Variants in CACNB4 observed in about 807,000 individuals in gnomAD.
The protein encoded by CACNB4 is calcium voltage-gated channel auxiliary subunit beta 4.
A neutral mutation model predicts 71.2 loss-of-function variants in CACNB4; 32 were observed. That is an observed-to-expected ratio of 0.45 (90% CI 0.34 to 0.60). The LOEUF (loss-of-function observed/expected upper bound fraction) is 0.60. Ranked by LOEUF, CACNB4 falls within the 20% of genes least tolerant of loss-of-function variation. The probability of loss-of-function intolerance (pLI) is 0.01; values close to 1 mark genes in which losing one functional copy is unlikely to be tolerated. For synonymous variants in CACNB4, 231 were observed against 236.9 expected (o/e 0.97, Z 0.23); for missense variants, 464 against 647.9 (o/e 0.72, Z 3.08).
intron 2 of CACNB4, among the ~76,000 whole-genome samples, chr2:151,898,115 C>A (rs989819474): frequency 6.6e-6 from 1 of 152,162 alleles, no homozygotes; most frequent in African/African-American, 2.4e-5. Context: ...CTTCTGCCTG[C>A]AAGAAGTGTG....
intron 4 of CACNB4, among the ~76,000 whole-genome samples, chr2:151,877,911 T>G (rs563582139): frequency 9.8e-5 from 15 of 152,286 alleles, no homozygotes; most frequent in Admixed American, 2.0e-4. Context: ...AATTATACAT[T>G]TGCTGAATTA....
intron 3 of CACNB4, among the ~76,000 whole-genome samples, chr2:151,882,426 C>G (rs1578620751): frequency 6.6e-6 from 1 of 152,042 alleles, no homozygotes; most frequent in African/African-American, 2.4e-5. Flanking sequence ...TCTGTTTTTT[C>G]TTCTTCTAAA....
At chr2:151,934,629 GA>G (rs984137928) in intron 2 of CACNB4, among the ~76,000 whole-genome samples, 1 of 152,144 alleles carries the variant, frequency 6.6e-6, no homozygotes, top group Non-Finnish European at 1.5e-5. Flanking sequence ...ACGAGATCAA[GA>G]GATGGAGACC....
intron 2 of CACNB4, among the ~76,000 whole-genome samples, chr2:151,955,555 A>C (rs2099868043): frequency 6.6e-6 from 1 of 152,178 alleles, no homozygotes; most frequent in Admixed American, 6.5e-5. Context: ...GGAATTCAGA[A>C]GAGGCTGGAA....
Position 151,982,103 on chromosome 2 carries a change from CCTCT to C in CACNB4, c.148-98737_148-98734del, listed in dbSNP as rs1560107678. ...TTGGGTGCACACTGCTGAACTTTGA[CCTCT>C]CTATTATTCTAGGTGGCAGAGATGA... On this transcript the variant is annotated intron_variant, in intron 2 of 13. Transcript: ENST00000539935. 5.9e-5 allele frequency among the ~76,000 whole-genome samples: 9 copies of C among 152,226 alleles called. No individual in the cohort carries two copies. In the South Asian group the frequency reaches 1.9e-3, roughly 32 times the overall value.
chr2:152,023,837 T>C (rs1013536847), intron 2 of CACNB4, among the ~76,000 whole-genome samples: 2 of 152,236 alleles, frequency 1.3e-5, no homozygotes, highest in South Asian at 2.1e-4. Flanking sequence ...ACTCAACGAA[T>C]TGAAAACATT....
intron 2 of CACNB4, among the ~76,000 whole-genome samples, chr2:152,024,356 T>C (rs1436130919): frequency 2.2e-4 from 33 of 152,194 alleles, no homozygotes; most frequent in Admixed American, 2.2e-3. Context: ...TCAAGGTAAA[T>C]TGAGCAAAAT....
chr2:151,923,454 A>G (rs1290007864), intron 2 of CACNB4, among the ~76,000 whole-genome samples: 2 of 152,190 alleles, frequency 1.3e-5, no homozygotes, highest in Admixed American at 6.5e-5. Context: ...TTTGCTCCCC[A>G]GTCTTGGCAG....
At chr2:151,840,671 A>T (rs1012443329) in intron 13 of CACNB4, among the ~76,000 whole-genome samples, 3 of 152,246 alleles carry the variant, frequency 2.0e-5, no homozygotes, top group Non-Finnish European at 4.4e-5. Context: ...ATTCATTTGC[A>T]TGACAGTTTT....
chr2:151,866,062 G>A (rs1471796244), intron 9 of CACNB4: 1 of 152,194 alleles, frequency 6.6e-6, no homozygotes, highest in Non-Finnish European at 1.5e-5. Flanking sequence ...TGGGATTATA[G>A]GCATGAGCCA....
chr2:152,020,347 G>A (rs944093163), intron 2 of CACNB4, among the ~76,000 whole-genome samples: 1 of 152,166 alleles, frequency 6.6e-6, no homozygotes. Context: ...GTGAGAACTG[G>A]ATAAGTGCCA....
chr2:151,965,746 T>TTC (rs1553796283), intron 2 of CACNB4, among the ~76,000 whole-genome samples: 1 of 151,814 alleles, frequency 6.6e-6, no homozygotes, highest in Non-Finnish European at 1.5e-5. Flanking sequence ...GATTTTTTTT[T>TTC]TTAGAGATGA....
intron 2 of CACNB4, among the ~76,000 whole-genome samples, chr2:152,073,846 T>G (rs1465233795): frequency 2.0e-5 from 3 of 152,098 alleles, no homozygotes; most frequent in African/African-American, 7.2e-5. Context: ...TTGACAACAA[T>G]GCAACGGCCT....
intron 2 of CACNB4, among the ~76,000 whole-genome samples, chr2:152,035,620 C>CTCTCTCT (rs1684527674): frequency 4.1e-5 from 2 of 48,378 alleles, no homozygotes; most frequent in East Asian, 6.2e-4. Flanking sequence ...TCTCTCTCTC[C>CTCTCTCT]CTCCCTCTCC....
intron 2 of CACNB4, among the ~76,000 whole-genome samples, chr2:152,080,881 T>C (rs1687325148): frequency 6.6e-6 from 1 of 152,026 alleles, no homozygotes; most frequent in Non-Finnish European, 1.5e-5. Flanking sequence ...GTGTGGCACC[T>C]TCCCCCTCTT....
intron 2 of CACNB4, among the ~76,000 whole-genome samples, chr2:151,913,998 T>C (rs2099856878): frequency 6.6e-6 from 1 of 152,192 alleles, no homozygotes; most frequent in Non-Finnish European, 1.5e-5. Context: ...TTCTCTGTAT[T>C]TCCTGAATTT....
At chr2:151,967,523 A>C (rs2151717894) in intron 2 of CACNB4, 1 of 152,308 alleles carries the variant, frequency 6.6e-6, no homozygotes, top group Middle Eastern at 3.4e-3. Flanking sequence ...TTCAACTACA[A>C]CCTTATCACT....
In CACNB4 at chr2:151,897,839, A is replaced by C. The variant is rs188684932; in HGVS notation, c.148-14469T>G. Among the ~76,000 whole-genome samples, 13 of 152,324 alleles carry C rather than the reference A, an allele frequency of 8.5e-5. No homozygotes were observed. The East Asian group carries it at 2.3e-3, about 27-fold the overall frequency. On this transcript the variant is annotated intron_variant, in intron 2 of 13. Transcript: ENST00000539935. ...CATGGAGCTGCCATGAAGATTATGCACTCAGAATGTGCAAGCACTCAGCCA... is the reference window on the plus strand; with the variant it reads ...CATGGAGCTGCCATGAAGATTATGCCCTCAGAATGTGCAAGCACTCAGCCA...
At chr2:152,007,342 G>A (rs11686080) in intron 2 of CACNB4, among the ~76,000 whole-genome samples, 30,857 of 152,052 alleles carry the variant, frequency 0.2, 3,350 homozygotes, top group Middle Eastern at 0.4. Flanking sequence ...TTTTCAAAAA[G>A]AAACTCTGTA....
Sources: gnomAD v4.1 joint callset for allele counts (sites outside exome capture counted in the v4.1 genomes callset) on GRCh38, gnomAD v4.1.1 for gene constraint, MANE v1.5 for transcripts, NCBI Gene and HGNC (gene_info 2026-07-23, HGNC 2026-07-21) for gene names.